The following SAMD12 variants were observed in gnomAD, a reference collection of about 807,000 sequenced individuals.
The protein encoded by SAMD12 is sterile alpha motif domain-containing protein 12.
SAMD12 carries 9 observed loss-of-function variants against 15.0 expected under a neutral mutation model. The ratio of observed to expected loss-of-function variants is 0.60; its 90% CI spans 0.36 to 1.05. The LOEUF is 1.05. Ranked by LOEUF, SAMD12 falls within the 50% of genes least tolerant of loss-of-function variation. The pLI, the probability that SAMD12 is intolerant of heterozygous loss-of-function variation, is 0.01. For missense variants in SAMD12, 230 were observed against 234.2 expected (o/e 0.98, Z 0.12); for synonymous variants, 86 against 90.1 (o/e 0.96, Z 0.25).
intron 4 of SAMD12, among the ~76,000 whole-genome samples, chr8:118,205,548 C>A (rs2129793044): frequency 6.6e-6 from 1 of 152,336 alleles, no homozygotes; most frequent in South Asian, 2.1e-4. Flanking sequence ...GATCTTTGAT[C>A]TGACTATGAA....
intron 4 of SAMD12, among the ~76,000 whole-genome samples, chr8:118,215,143 C>T (rs1017975348): frequency 3.9e-5 from 6 of 152,198 alleles, no homozygotes; most frequent in Admixed American, 3.3e-4. Flanking sequence ...TTTTAATAAT[C>T]TAAAACAAGT....
the SAMD12 span, among the ~76,000 whole-genome samples, chr8:118,165,635 T>TGTGTATATATATATATATAC: frequency 1.2e-3 from 155 of 129,418 alleles, 3 homozygotes; most frequent in Middle Eastern, 7.9e-3. Context: ...TATATATATA[T>TGTGTATATATATATATATAC]ACATATATAT....
At chr8:118,389,114 C>CACATT (rs1230049900) in intron 3 of SAMD12, among the ~76,000 whole-genome samples, 1 of 152,154 alleles carries the variant, frequency 6.6e-6, no homozygotes, top group African/African-American at 2.4e-5. Context: ...TGCCATCCCT[C>CACATT]TCCAGCATTT....
intron 2 of SAMD12, among the ~76,000 whole-genome samples, chr8:118,464,512 G>T (rs1823527768): frequency 6.6e-6 from 1 of 152,130 alleles, no homozygotes; most frequent in African/African-American, 2.4e-5. Context: ...TGGGAAAATG[G>T]TACTAATTTA....
chr8:118,489,753 G>A (rs1824388721), intron 2 of SAMD12, among the ~76,000 whole-genome samples: 1 of 152,110 alleles, frequency 6.6e-6, no homozygotes, highest in African/African-American at 2.4e-5. Flanking sequence ...TCTGTTCTAA[G>A]CCCAGTTGTT....
At chr8:118,316,815 A>G (rs75259461) in intron 4 of SAMD12, among the ~76,000 whole-genome samples, 908 of 51,928 alleles carry the variant, frequency 0.017, 19 homozygotes, top group African/African-American at 0.12. Flanking sequence ...ATTAAAAAAA[A>G]GTTTTTTTTT....
the SAMD12 span, among the ~76,000 whole-genome samples, chr8:118,163,781 G>T: frequency 6.6e-6 from 1 of 152,030 alleles, no homozygotes; most frequent in Non-Finnish European, 1.5e-5. Context: ...AGGCTGAGGC[G>T]GGAGAATGGA....
intron 2 of SAMD12, among the ~76,000 whole-genome samples, chr8:118,486,348 A>G (rs539552172): frequency 1.1e-4 from 16 of 151,974 alleles, no homozygotes; most frequent in South Asian, 2.1e-4. Flanking sequence ...CCTGGGAGGT[A>G]GAGCTTGCAG....
At chr8:118,278,272 C>G (rs1025286373) in intron 4 of SAMD12, among the ~76,000 whole-genome samples, 1 of 152,216 alleles carries the variant, frequency 6.6e-6, no homozygotes, top group Non-Finnish European at 1.5e-5. Flanking sequence ...TGTAGCCCTG[C>G]AGGCTGAGCC....
chr8:118,390,193 A>G (rs1451469962), intron 3 of SAMD12, among the ~76,000 whole-genome samples: 2 of 152,070 alleles, frequency 1.3e-5, no homozygotes, highest in African/African-American at 4.8e-5. Context: ...ATTTTTTAGT[A>G]GAGACGGGGT....
intron 1 of SAMD12, among the ~76,000 whole-genome samples, chr8:118,583,535 T>C (rs1012814527): frequency 7.2e-5 from 11 of 152,074 alleles, no homozygotes; most frequent in Admixed American, 1.3e-4. Flanking sequence ...ATTCATGACC[T>C]AGGAATACCA....
intron 3 of SAMD12, among the ~76,000 whole-genome samples, chr8:118,437,006 C>T (rs1008811259): frequency 2.0e-5 from 3 of 152,162 alleles, no homozygotes; most frequent in African/African-American, 7.2e-5. Context: ...GTACTTGTAA[C>T]CACTCCCCTG....
chr8:118,580,925 AC>A (rs745458114), intron 1 of SAMD12, 32 bp from the exon 2 acceptor site: 2 of 1,551,954 alleles, frequency 1.3e-6, no homozygotes, highest in Non-Finnish European at 1.8e-6. Context: ...AACTCAGAAA[AC>A]AAACCACATA....
chr8:118,550,052 T>A (rs185495071), intron 2 of SAMD12, among the ~76,000 whole-genome samples: 2 of 152,124 alleles, frequency 1.3e-5, no homozygotes, highest in African/African-American at 2.4e-5. Flanking sequence ...CTACGACTGA[T>A]TGGTGTACCT....
chr8:118,525,457 A>G (rs1825510068), intron 2 of SAMD12, among the ~76,000 whole-genome samples: 1 of 152,156 alleles, frequency 6.6e-6, no homozygotes, highest in Non-Finnish European at 1.5e-5. Context: ...ATCAGAGCAG[A>G]CACTATTTTG....
chr8:118,434,715 T>A (rs1194941553), intron 3 of SAMD12, among the ~76,000 whole-genome samples: 1 of 152,210 alleles, frequency 6.6e-6, no homozygotes, highest in Non-Finnish European at 1.5e-5. Context: ...CACAGAAACA[T>A]ACGCAAATTT....
chr8:118,621,962 G>C lies in SAMD12; in HGVS notation c.-146C>G. 1 of 999,140 alleles carries C rather than the reference G, an allele frequency of 1.0e-6. No individual in the cohort carries two copies. Among genetic ancestry groups the C allele is most frequent in the Non-Finnish European group, 1.6e-6 (1 of 628,926 alleles). The allele number at this position is 999,140 out of a possible 1,614,324, so 61.9% of individuals were successfully genotyped here. ...ACCTGCCGCGGTCACGCAAAGCGAG[G>C]CAGCCGGCTCCCGGCTCGGCGCGCG... On this transcript the variant is annotated 5_prime_UTR_variant, in exon 1 of 4. Coordinates refer to ENST00000314727, the MANE Select transcript of SAMD12 (RefSeq NM_207506.3).
the SAMD12 span, among the ~76,000 whole-genome samples, chr8:118,143,775 A>T: frequency 6.6e-6 from 1 of 152,166 alleles, no homozygotes; most frequent in Non-Finnish European, 1.5e-5. Context: ...ATATCCTAAC[A>T]TGCCATAGAA....
chr8:118,208,708 C>T (rs1307594068), intron 4 of SAMD12, among the ~76,000 whole-genome samples: 1 of 152,146 alleles, frequency 6.6e-6, no homozygotes, highest in Admixed American at 6.5e-5. Context: ...AATTCCAATT[C>T]ATTTATCTTT....
Sources: gnomAD v4.1 joint callset for allele counts (sites outside exome capture counted in the v4.1 genomes callset) on GRCh38, gnomAD v4.1.1 for gene constraint, MANE v1.5 for transcripts, NCBI Gene and HGNC (gene_info 2026-07-23, HGNC 2026-07-21) for gene names.